Variants in OR51B5 observed in about 807,000 individuals in gnomAD.
The protein encoded by OR51B5 is olfactory receptor family 51 subfamily B member 5, also known as olfactory receptor 51B5.
For synonymous variants in OR51B5, 186 were observed against 144.8 expected, an observed-to-expected ratio of 1.28 and a Z score of -2.04; for missense variants, 456 against 374.6, an observed-to-expected ratio of 1.22 and a Z score of -1.79.
At chr11:5,343,929 C>G (rs890124712), upstream of OR51B5, among the ~76,000 whole-genome samples, 2 of 152,188 alleles carry the variant, frequency 1.3e-5, no homozygotes, top group African/African-American at 2.4e-5. Context: ...GGTCTACCAC[C>G]TAAACCTGTA....
intron 1 of OR51B5, among the ~76,000 whole-genome samples, chr11:5,459,248 A>G (rs1322139707): frequency 6.6e-6 from 1 of 152,210 alleles, no homozygotes; most frequent in Non-Finnish European, 1.5e-5. Context: ...AAAGAGATGA[A>G]TCACATTTAT....
At chr11:5,486,898 C>A (rs1851506878) in intron 1 of OR51B5, among the ~76,000 whole-genome samples, 1 of 151,936 alleles carries the variant, frequency 6.6e-6, no homozygotes, top group Admixed American at 6.6e-5. Context: ...TAAGATGCCT[C>A]CTGTTCTTAC....
chr11:5,454,640 G>A (rs896534356), intron 1 of OR51B5: 1 of 411,776 alleles, frequency 2.4e-6, no homozygotes, highest in Admixed American at 4.0e-5. Flanking sequence ...ATAAATATTG[G>A]GGGCAATTGA....
chr11:5,429,796 T>C (rs549785979), intron 1 of OR51B5, among the ~76,000 whole-genome samples: 57 of 152,210 alleles, frequency 3.7e-4, no homozygotes, highest in Non-Finnish European at 7.2e-4. Flanking sequence ...ATATCAGACT[T>C]ATTTGCCAAT....
At chr11:5,406,161 T>C (rs926308412) in intron 1 of OR51B5, among the ~76,000 whole-genome samples, 1 of 152,222 alleles carries the variant, frequency 6.6e-6, no homozygotes, top group East Asian at 1.9e-4. Context: ...GCATAGTGAA[T>C]TCTCAGCCTT....
intron 1 of OR51B5, among the ~76,000 whole-genome samples, chr11:5,492,160 T>C (rs1475208167): frequency 1.3e-5 from 2 of 152,052 alleles, no homozygotes; most frequent in Non-Finnish European, 2.9e-5. Flanking sequence ...TGCCAAGTTC[T>C]CCCCAATTCC....
chr11:5,422,640 G>C (rs778262954), intron 1 of OR51B5: 1 of 1,613,870 alleles, frequency 6.2e-7, no homozygotes, highest in Admixed American at 1.7e-5. Flanking sequence ...GGTAGAACTG[G>C]GTTAGCCATC....
intron 1 of OR51B5, among the ~76,000 whole-genome samples, chr11:5,360,933 T>A (rs1167544726): frequency 1.3e-5 from 2 of 149,254 alleles, no homozygotes; most frequent in Admixed American, 6.7e-5. Flanking sequence ...AGGTGGGAAT[T>A]GAACAATGAG....
chr11:5,371,293 A>G (rs572979995), intron 1 of OR51B5, among the ~76,000 whole-genome samples: 1 of 152,156 alleles, frequency 6.6e-6, no homozygotes, highest in South Asian at 2.1e-4. Flanking sequence ...TTTAAAACTC[A>G]AACACAGAAG....
chr11:5,402,618 T>C (rs1328297868), intron 1 of OR51B5: 1 of 470,960 alleles, frequency 2.1e-6, no homozygotes. Context: ...TAATAACTCT[T>C]TGGGGTTTTT....
intron 1 of OR51B5, among the ~76,000 whole-genome samples, chr11:5,408,975 C>A (rs180765867): frequency 6.6e-6 from 1 of 151,980 alleles, no homozygotes; most frequent in Admixed American, 6.6e-5. Context: ...TTCTTCATCA[C>A]TAAAAGTAAT....
chr11:5,387,317 C>G (rs1232473338), intron 1 of OR51B5, among the ~76,000 whole-genome samples: 1 of 152,068 alleles, frequency 6.6e-6, no homozygotes, highest in Non-Finnish European at 1.5e-5. Context: ...TTAAGACTCT[C>G]CATTGCATTT....
chr11:5,472,115 A>C (rs1257287835), intron 1 of OR51B5, among the ~76,000 whole-genome samples: 1 of 152,188 alleles, frequency 6.6e-6, no homozygotes, highest in South Asian at 2.1e-4. Flanking sequence ...AGGCTTCAGA[A>C]GATGCACCTC....
At chr11:5,420,445 A>C (rs1318037900) in intron 1 of OR51B5, among the ~76,000 whole-genome samples, 1 of 152,000 alleles carries the variant, frequency 6.6e-6, no homozygotes, top group African/African-American at 2.4e-5. Context: ...TAACTTTGTC[A>C]TATAGTTTTT....
chr11:5,484,313 A>C (rs1367478681), intron 1 of OR51B5, among the ~76,000 whole-genome samples: 1 of 152,144 alleles, frequency 6.6e-6, no homozygotes, highest in Non-Finnish European at 1.5e-5. Flanking sequence ...ACTGTTTTCT[A>C]AAGGGAAATA....
At chr11:5,348,799 A>G (rs1375847019) in intron 1 of OR51B5, among the ~76,000 whole-genome samples, 1 of 152,126 alleles carries the variant, frequency 6.6e-6, no homozygotes, top group East Asian at 1.9e-4. Context: ...CAGCACACCC[A>G]GGAACAATAC....
intron 1 of OR51B5, among the ~76,000 whole-genome samples, chr11:5,373,656 A>T (rs1849477339): frequency 6.6e-6 from 1 of 152,176 alleles, no homozygotes; most frequent in South Asian, 2.1e-4. Context: ...AGGCTTAGGA[A>T]ATGGCGCACC....
intron 1 of OR51B5, among the ~76,000 whole-genome samples, chr11:5,461,917 G>T (rs1851060055): frequency 6.6e-6 from 1 of 152,184 alleles, no homozygotes; most frequent in Non-Finnish European, 1.5e-5. Flanking sequence ...GATCTGTTCA[G>T]TGTGTGTTGG....
At chr11:5,387,487 GC>G (rs1849714582) in intron 1 of OR51B5, among the ~76,000 whole-genome samples, 1 of 151,818 alleles carries the variant, frequency 6.6e-6, no homozygotes, top group African/African-American at 2.4e-5. Context: ...AGTGATGTAA[GC>G]CTTATATCCA....
Sources: gnomAD v4.1 joint callset for allele counts (sites outside exome capture counted in the v4.1 genomes callset) on GRCh38, gnomAD v4.1.1 for gene constraint, MANE v1.5 for transcripts, NCBI Gene and HGNC (gene_info 2026-07-23, HGNC 2026-07-21) for gene names.